Variants in SCAMP5 observed in about 807,000 individuals in gnomAD.
SCAMP5 encodes secretory carrier membrane protein 5.
SCAMP5 carries 7 observed loss-of-function variants against 28.3 expected under a neutral mutation model. That is an observed-to-expected ratio of 0.25 (90% confidence interval 0.14 to 0.46). SCAMP5 has a LOEUF of 0.46. Among genes scored for constraint, SCAMP5 ranks in the 20% least tolerant of loss-of-function variants. SCAMP5 has a pLI of 0.99. For missense variants in SCAMP5, 192 were observed against 312.5 expected, an observed-to-expected ratio of 0.61 and a Z score of 2.91; for synonymous variants, 117 against 116.4, an observed-to-expected ratio of 1.00 and a Z score of -0.03.
chr15:75,000,952 C>G (rs969734019), intron 1 of SCAMP5, among the ~76,000 whole-genome samples: 8 of 151,952 alleles, frequency 5.3e-5, no homozygotes, highest in Admixed American at 1.3e-4. Context: ...GGCCAACTCC[C>G]TATTCCTTGT....
At chr15:75,000,049 C>T (rs1243383404) in intron 1 of SCAMP5, among the ~76,000 whole-genome samples, 1 of 152,074 alleles carries the variant, frequency 6.6e-6, no homozygotes, top group Non-Finnish European at 1.5e-5. Context: ...AAATGAAAGC[C>T]AACAAAATCC....
At chr15:75,012,853 G>A in intron 3 of SCAMP5, 48 bp downstream of exon 3, 9 of 1,605,810 alleles carry the variant, frequency 5.6e-6, no homozygotes, top group South Asian at 1.1e-5. Context: ...GAGGAGGCAG[G>A]AAGACTGGGC....
At chr15:75,000,682 CCTTTTTTTT>C (rs1287293649) in intron 1 of SCAMP5, among the ~76,000 whole-genome samples, 9 of 88,354 alleles carry the variant, frequency 1.0e-4, no homozygotes, top group Admixed American at 8.5e-4. Flanking sequence ...TCGCACCCAG[CCTTTTTTTT>C]TTTTTTTTTT....
chr15:74,996,720 T>G lies in SCAMP5; in HGVS notation c.-49+1047T>G, dbSNP rs891721237. 1.3e-5 allele frequency among the ~76,000 whole-genome samples: 2 copies of G among 152,224 alleles called. No individual in the cohort carries two copies. The highest frequency in any genetic ancestry group is 2.9e-5 in the Non-Finnish European group (2 of 68,042). On this transcript the variant is annotated intron_variant, in intron 1 of 6. Coordinates refer to ENST00000425597, the MANE Select transcript of SCAMP5 (RefSeq NM_138967.4). The surrounding 1 kb of genome is among the most constrained non-coding windows in gnomAD (Gnocchi z 4.1). ...AAATTTGCAACCTGTCCCCTACATG[T>G]TCTGCCTCACGGAGCAGGGCTCTGA...
Position 75,016,715 on chromosome 15 carries a change from G to A in SCAMP5, c.259G>A (p.Val87Ile), listed in dbSNP as rs1181004172. The A allele has an allele frequency of 5.6e-6, 9 of 1,613,722 alleles. No individual in the cohort carries two copies. The highest frequency in any genetic ancestry group is 5.9e-6 in the Non-Finnish European group (7 of 1,179,860). ...WLILFTPCSY[V>I]CWFRPIYKAF... ...CATCCTCTTCACACCCTGCTCCTAC[G>A]TCTGCTGGTTTCGGCCCATTTACAA... The change falls in exon 4 of 7, where the codon GTC (valine) becomes ATC (isoleucine). Residue 87 changes from valine (V) to isoleucine (I), a missense_variant. Physicochemically the swap from Val to Ile is conservative, Grantham distance 29 (BLOSUM62 3). Coordinates refer to ENST00000425597, the MANE Select transcript of SCAMP5 (RefSeq NM_138967.4).
At chr15:75,014,670 A>G (rs2065843737) in intron 3 of SCAMP5, among the ~76,000 whole-genome samples, 1 of 152,190 alleles carries the variant, frequency 6.6e-6, no homozygotes, top group African/African-American at 2.4e-5. Flanking sequence ...TGAGTAATGA[A>G]TTATGGAATC....
intron 1 of SCAMP5, among the ~76,000 whole-genome samples, chr15:75,011,315 A>G (rs547597522): frequency 4.8e-4 from 73 of 152,156 alleles, no homozygotes; most frequent in Admixed American, 1.0e-3. Flanking sequence ...TGCCTTTTGT[A>G]TGATTTACTG....
chr15:75,012,936 C>CAT, intron 3 of SCAMP5, 131 bp downstream of exon 3: 1 of 834,074 alleles, frequency 1.2e-6, no homozygotes, highest in South Asian at 1.7e-5. Flanking sequence ...ATGCATGGAC[C>CAT]ATAAGTCTTC....
intron 1 of SCAMP5, among the ~76,000 whole-genome samples, chr15:75,011,069 G>T (rs2141444848): frequency 6.6e-6 from 1 of 152,180 alleles, no homozygotes; most frequent in South Asian, 2.1e-4. Flanking sequence ...GCTGGGCCTG[G>T]TGGTGCATGC....
intron 1 of SCAMP5, among the ~76,000 whole-genome samples, chr15:75,004,781 A>G (rs918715782): frequency 1.3e-5 from 2 of 152,044 alleles, no homozygotes; most frequent in South Asian, 2.1e-4. Context: ...GCACACATAC[A>G]ATACCCAAGA....
rs377114048 is a variant in SCAMP5, at chr15:75,006,114, C to T, written c.-48-5678C>T. Among the ~76,000 whole-genome samples the T allele has an allele frequency of 5.3e-3, 798 of 151,306 alleles. 5 individuals are homozygous for T. The highest frequency in any genetic ancestry group is 0.019 in the African/African-American group (766 of 41,198). On this transcript the variant is annotated intron_variant, in intron 1 of 6. Transcript: ENST00000425597. ...CCGGGTTCAAGCTATTCTCCTGCCC[C>T]AGCCTCTGGAGTAGCTGGGATTACA... is the stretch of plus-strand genomic sequence containing the variant.
intron 1 of SCAMP5, among the ~76,000 whole-genome samples, chr15:75,005,626 T>C (rs1040411794): frequency 6.6e-6 from 1 of 152,230 alleles, no homozygotes; most frequent in African/African-American, 2.4e-5. Flanking sequence ...GATTGTTTTT[T>C]CATAATTATT....
chr15:75,008,772 G>C (rs567364456), intron 1 of SCAMP5, among the ~76,000 whole-genome samples: 1 of 152,122 alleles, frequency 6.6e-6, no homozygotes, highest in Non-Finnish European at 1.5e-5. Context: ...AAAGTGCTGG[G>C]ATTACAGGTG....
intron 1 of SCAMP5, among the ~76,000 whole-genome samples, chr15:75,004,121 C>T (rs1435601100): frequency 6.6e-6 from 1 of 151,966 alleles, no homozygotes; most frequent in African/African-American, 2.4e-5. Flanking sequence ...TCAGGCTGGT[C>T]TTGAACTCCC....
intron 3 of SCAMP5, chr15:75,013,030 T>C: frequency 1.8e-6 from 1 of 561,490 alleles, no homozygotes; most frequent in Non-Finnish European, 3.2e-6. Context: ...CATCTAGGCC[T>C]CTCTTCCCTT....
At chr15:75,014,932 C>T (rs991419818) in intron 3 of SCAMP5, among the ~76,000 whole-genome samples, 5 of 152,064 alleles carry the variant, frequency 3.3e-5, no homozygotes, top group African/African-American at 1.2e-4. Flanking sequence ...GGGCAATGAA[C>T]AGGGATAGAG....
At chr15:75,016,849 TCCC>T in intron 4 of SCAMP5, 100 bp downstream of exon 4, 1 of 1,069,896 alleles carries the variant, frequency 9.3e-7, no homozygotes, top group Non-Finnish European at 1.3e-6. Context: ...TTTTTTACCC[TCCC>T]CCAAACTCAC....
Position 75,019,026 on chromosome 15 carries a change from C to A in SCAMP5, c.*43C>A. 7.3e-7 allele frequency: 1 copy of A among 1,365,640 alleles called. No homozygotes were observed. Among genetic ancestry groups the A allele is most frequent in the Non-Finnish European group, 9.8e-7 (1 of 1,017,576 alleles). 84.6% of individuals were successfully genotyped at this position (1,365,640 alleles called of 1,614,324 possible). A position where few individuals can be genotyped will look rare whatever the true frequency, so the allele number is the denominator to read the frequency against. ...GGTGGCAGAGCTGGGGCCATTGGGA[C>A]AGGGGGCTCAAGCCACATCGTCATT... is the stretch of plus-strand genomic sequence containing the variant. On this transcript the variant is annotated 3_prime_UTR_variant, in exon 7 of 7. Transcript: ENST00000425597.
intron 3 of SCAMP5, among the ~76,000 whole-genome samples, chr15:75,015,032 ACT>A (rs897785933): frequency 1.4e-4 from 21 of 152,206 alleles, no homozygotes; most frequent in African/African-American, 4.6e-4. Flanking sequence ...CTTGTAGGTC[ACT>A]GTGTCTGACC....
Sources: gnomAD v4.1 joint callset for allele counts (sites outside exome capture counted in the v4.1 genomes callset) on GRCh38, gnomAD v4.1.1 for gene constraint, Gnocchi (gnomAD v3.1) non-coding constraint, MANE v1.5 for transcripts, NCBI Gene and HGNC (gene_info 2026-07-23, HGNC 2026-07-21) for gene names.